Variants in LIMD1 observed in about 807,000 individuals in gnomAD.
LIMD1 encodes LIM domain-containing protein 1.
In LIMD1, 23 loss-of-function variants were observed where a neutral mutation model predicts 58.4. The ratio of observed to expected loss-of-function variants is 0.39; its 90% confidence interval spans 0.28 to 0.56. The LOEUF (loss-of-function observed/expected upper bound fraction) is 0.56. Among genes scored for constraint, LIMD1 ranks in the 20% least tolerant of loss-of-function variants. LIMD1 has a pLI of 0.57. For missense variants in LIMD1, 838 were observed against 855.5 expected, an observed-to-expected ratio of 0.98 and a Z score of 0.25; for synonymous variants, 334 against 345.5, an observed-to-expected ratio of 0.97 and a Z score of 0.37.
chr3:45,658,927 T>C (rs1697389126), intron 2 of LIMD1, among the ~76,000 whole-genome samples: 1 of 152,204 alleles, frequency 6.6e-6, no homozygotes, highest in African/African-American at 2.4e-5. Context: ...TCCAGTCTTT[T>C]TTTCTTTGAA....
rs1355117173 is a variant in LIMD1 at position 45,595,949 on chromosome 3, T to C, written c.1070T>C (p.Leu357Pro). 5 of 1,614,204 alleles carry C rather than the reference T, an allele frequency of 3.1e-6. No individual in the cohort carries two copies. Among genetic ancestry groups the C allele is most frequent in the Non-Finnish European group, 4.2e-6 (5 of 1,180,020 alleles). The change falls in exon 1 of 8, where the codon CTG becomes CCG. Residue 357 changes from leucine to proline, a missense_variant. Coordinates refer to ENST00000273317, the MANE Select transcript of LIMD1 (RefSeq NM_014240.3). ...SSAPSSSPAG[L>P]DGSQQGAVPG... ...GCCCCGTCATCCTCGCCAGCTGGTC[T>C]GGACGGTTCACAGCAGGGTGCGGTC... is the stretch of plus-strand genomic sequence containing the variant.
chr3:45,676,355 AAAG>A (rs1325683526), intron 7 of LIMD1, among the ~76,000 whole-genome samples: 2 of 152,018 alleles, frequency 1.3e-5, no homozygotes, highest in African/African-American at 4.8e-5. Context: ...TAAAAAAAAA[AAAG>A]GGATACGTGT....
At chr3:45,641,483 C>T (rs1210380550) in intron 2 of LIMD1, among the ~76,000 whole-genome samples, 1 of 149,028 alleles carries the variant, frequency 6.7e-6, no homozygotes, top group Non-Finnish European at 1.5e-5. Context: ...TATGTAAAGC[C>T]AGATTTTATA....
intron 3 of LIMD1, among the ~76,000 whole-genome samples, chr3:45,666,328 T>G (rs1697517691): frequency 6.6e-6 from 1 of 152,166 alleles, no homozygotes; most frequent in Admixed American, 6.5e-5. Flanking sequence ...CTTCCACAAT[T>G]CTGCCTCCGT....
At chr3:45,654,558 G>A (rs1194330787) in intron 2 of LIMD1, among the ~76,000 whole-genome samples, 1 of 152,062 alleles carries the variant, frequency 6.6e-6, no homozygotes, top group South Asian at 2.1e-4. Flanking sequence ...CGGCCTGCAG[G>A]TGGCTCACAC....
intron 7 of LIMD1, among the ~76,000 whole-genome samples, chr3:45,675,106 C>T (rs1201606206): frequency 3.9e-5 from 6 of 152,292 alleles, no homozygotes; most frequent in Non-Finnish European, 7.3e-5. Flanking sequence ...TGTCCCACTG[C>T]CAACACTGAA....
chr3:45,647,481 C>A (rs1701919086), intron 2 of LIMD1, among the ~76,000 whole-genome samples: 1 of 152,194 alleles, frequency 6.6e-6, no homozygotes, highest in African/African-American at 2.4e-5. Context: ...CAATGCCTGG[C>A]CAGAGGATGC....
At chr3:45,660,299 G>C (rs1242798435) in intron 2 of LIMD1, among the ~76,000 whole-genome samples, 1 of 152,028 alleles carries the variant, frequency 6.6e-6, no homozygotes, top group African/African-American at 2.4e-5. Flanking sequence ...CGAGAAGGAA[G>C]AGGCGAAAGT....
In LIMD1 at chr3:45,594,980, G is replaced by T; in HGVS notation, c.101G>T (p.Gly34Val). The T allele has an allele frequency of 6.2e-7, 1 of 1,614,022 alleles. No individual in the cohort carries two copies. Among genetic ancestry groups the T allele is most frequent in the Non-Finnish European group, 8.5e-7 (1 of 1,180,040 alleles). ...GATGGGCTCTTCCGAGTGGACAAGG[G>T]TGCAGGCAACAACCCCGAGTTTGAG... Reference protein sequence around the residue: ...SKDGLFRVDKGAGNNPEFEET... With the variant: ...SKDGLFRVDKVAGNNPEFEET... The change falls in exon 1 of 8, where the codon GGT becomes GTT. Residue 34 changes from glycine to valine, a missense_variant. This residue lies in a region of LIMD1 where 659 missense variants were observed against 639.8 expected (regional missense o/e 1.03). Transcript: ENST00000273317.
At chr3:45,673,552 A>T in intron 6 of LIMD1, 47 bp downstream of exon 6, 5 of 1,407,364 alleles carry the variant, frequency 3.6e-6, no homozygotes, top group Non-Finnish European at 5.0e-6. Flanking sequence ...TAAGACATGA[A>T]TATCTCCCTG....
chr3:45,653,907 C>CAAAAAAAAAAAAAAAAA (rs35185922), intron 2 of LIMD1, among the ~76,000 whole-genome samples: 1 of 74,880 alleles, frequency 1.3e-5, no homozygotes, highest in African/African-American at 4.9e-5. Context: ...AAGACTGTCT[C>CAAAAAAAAAAAAAAAAA]AAAAAAAAAA....
In LIMD1 at chr3:45,594,798, C is replaced by T. The variant is rs1701316094; in HGVS notation, c.-82C>T. On this transcript the variant is annotated 5_prime_UTR_variant, in exon 1 of 8. Transcript: ENST00000273317. ...CCCTCAACACACACACACACACACA[C>T]ACACACACACACACACACACACACA... 1 of 136,236 alleles carries T rather than the reference C, an allele frequency of 7.3e-6. No homozygotes were observed. Among genetic ancestry groups the T allele is most frequent in the Non-Finnish European group, 1.3e-5 (1 of 79,144 alleles). The allele number at this position is 136,236 out of a possible 1,614,324, so 8.4% of individuals were successfully genotyped here. A position where few individuals can be genotyped will look rare whatever the true frequency, so the allele number is the denominator to read the frequency against.
At chr3:45,613,333 C>T (rs942129890) in intron 1 of LIMD1, among the ~76,000 whole-genome samples, 4 of 152,124 alleles carry the variant, frequency 2.6e-5, no homozygotes, top group African/African-American at 9.7e-5. Context: ...GAAACCTAAC[C>T]CTGTATTTCT....
At chr3:45,597,150 G>T (rs531056235) in intron 1 of LIMD1, among the ~76,000 whole-genome samples, 50 of 152,170 alleles carry the variant, frequency 3.3e-4, no homozygotes, top group African/African-American at 1.1e-3. Flanking sequence ...GTGAGCCACC[G>T]CGCCTGGCCA....
intron 1 of LIMD1, among the ~76,000 whole-genome samples, chr3:45,602,159 A>G (rs2125647996): frequency 6.6e-6 from 1 of 152,240 alleles, no homozygotes; most frequent in African/African-American, 2.4e-5. Context: ...TGTGTTAGCC[A>G]GGATGGTCTC....
chr3:45,606,988 T>C (rs1318811238), intron 1 of LIMD1, among the ~76,000 whole-genome samples: 1 of 152,150 alleles, frequency 6.6e-6, no homozygotes, highest in African/African-American at 2.4e-5. Flanking sequence ...GAGACGGGGT[T>C]TCACCATGCT....
chr3:45,629,782 G>A (rs1386159639), intron 1 of LIMD1, among the ~76,000 whole-genome samples: 1 of 152,198 alleles, frequency 6.6e-6, no homozygotes, highest in Non-Finnish European at 1.5e-5. Context: ...GAACGAGGCA[G>A]AGTTTGGCTG....
At chr3:45,658,374 C>T (rs1324367736) in intron 2 of LIMD1, among the ~76,000 whole-genome samples, 1 of 151,972 alleles carries the variant, frequency 6.6e-6, no homozygotes, top group Non-Finnish European at 1.5e-5. Context: ...TGGGAATTCT[C>T]AGCTGTGGGA....
intron 7 of LIMD1, among the ~76,000 whole-genome samples, chr3:45,675,188 AT>A (rs1697651253): frequency 1.3e-5 from 2 of 152,178 alleles, no homozygotes; most frequent in African/African-American, 4.8e-5. Flanking sequence ...AGGTGAGGAC[AT>A]TTGCTCAACA....
Sources: gnomAD v4.1 joint callset for allele counts (sites outside exome capture counted in the v4.1 genomes callset) on GRCh38, gnomAD v4.1.1 for gene constraint, gnomAD v4.1.1 regional missense constraint, MANE v1.5 for transcripts, NCBI Gene and HGNC (gene_info 2026-07-23, HGNC 2026-07-21) for gene names.